DLGAP1: variants seen among roughly 807,000 people sequenced by gnomAD.
DLGAP1 encodes disks large-associated protein 1.
Under a neutral mutation model 90.8 loss-of-function variants are expected in DLGAP1, and 11 were observed. That is an observed-to-expected ratio of 0.12 (90% CI 0.08 to 0.20). The LOEUF is 0.20. Ranked by LOEUF, DLGAP1 falls within the 10% of genes least tolerant of loss-of-function variation. DLGAP1 has a pLI of 1.00. For missense variants in DLGAP1, 1,050 were observed against 1,333.8 expected (o/e 0.79, Z 3.31); for synonymous variants, 558 against 540.7 (o/e 1.03, Z -0.44).
In DLGAP1 at chr18:4,137,632, A is replaced by G. The variant is rs771049436; in HGVS notation, c.-159+13548T>C. On this transcript the variant is annotated intron_variant, in intron 2 of 12. Transcript: ENST00000315677. ...CTGGGTCTTTTGTGATTTCATATAA[A>G]TTTTAGGATTGTTTCTTCTATTTCT... 2.6e-5 allele frequency among the ~76,000 whole-genome samples: 4 copies of G among 152,132 alleles called. No individual in the cohort carries two copies. The South Asian group carries it at 6.2e-4, about 24-fold the overall frequency.
chr18:4,002,063 C>T (rs1022049750), intron 3 of DLGAP1, among the ~76,000 whole-genome samples: 11 of 151,818 alleles, frequency 7.2e-5, no homozygotes, highest in Admixed American at 2.0e-4. Flanking sequence ...TGTGTTTTCC[C>T]GCTGCTTTAT....
intron 2 of DLGAP1, among the ~76,000 whole-genome samples, chr18:4,099,326 T>C (rs1180622088): frequency 6.9e-6 from 1 of 144,544 alleles, no homozygotes; most frequent in Admixed American, 6.8e-5. Flanking sequence ...TATCTATCTA[T>C]CTATCTATCT....
intron 5 of DLGAP1, among the ~76,000 whole-genome samples, chr18:3,765,122 T>C (rs2064161829): frequency 7.4e-6 from 1 of 136,044 alleles, no homozygotes; most frequent in Admixed American, 7.6e-5. Flanking sequence ...GCAAACTTTT[T>C]TTTTTTTCTT....
intron 7 of DLGAP1, among the ~76,000 whole-genome samples, chr18:3,674,569 A>G (rs1033497572): frequency 2.6e-5 from 4 of 151,950 alleles, no homozygotes; most frequent in Non-Finnish European, 4.4e-5. Flanking sequence ...GCAGCTAGCC[A>G]TGATTGTGCC....
intron 5 of DLGAP1, among the ~76,000 whole-genome samples, chr18:3,772,970 TG>T (rs1390344908): frequency 6.6e-6 from 1 of 152,244 alleles, no homozygotes; most frequent in Non-Finnish European, 1.5e-5. Context: ...TTAGTGTTCC[TG>T]TCCATAATTA....
chr18:4,292,065 G>A (rs2079862547), intron 1 of DLGAP1, among the ~76,000 whole-genome samples: 1 of 152,094 alleles, frequency 6.6e-6, no homozygotes, highest in African/African-American at 2.4e-5. Flanking sequence ...GCAATCTACA[G>A]AAATCACTGC....
intron 7 of DLGAP1, among the ~76,000 whole-genome samples, chr18:3,644,521 C>T (rs955842205): frequency 1.3e-5 from 2 of 152,028 alleles, no homozygotes; most frequent in Non-Finnish European, 2.9e-5. Flanking sequence ...AGTGATTCTC[C>T]TGCCTCAGCC....
rs529765332 is a variant in DLGAP1, at chr18:3,627,955, G to A, written c.1592-45707C>T. Among the ~76,000 whole-genome samples, 27 of 133,790 alleles carry A rather than the reference G, an allele frequency of 2.0e-4. No individual in the cohort carries two copies. In the South Asian group the frequency reaches 6.4e-3, roughly 32 times the overall value. 87.8% of individuals were successfully genotyped at this position (133,790 alleles called of 152,430 possible). ...TGCAATGGGGCGATCTCGGCTCACT[G>A]CAACCTCCCACCTCCCCGGTTCCAG... On this transcript the variant is annotated intron_variant, in intron 7 of 12. Transcript: ENST00000315677.
chr18:4,365,261 A>T (rs945655260), intron 1 of DLGAP1, among the ~76,000 whole-genome samples: 1 of 152,164 alleles, frequency 6.6e-6, no homozygotes, highest in Non-Finnish European at 1.5e-5. Flanking sequence ...GAATCTGAAA[A>T]CAGTACCCTA....
intron 3 of DLGAP1, chr18:3,983,028 G>A (rs963831698): frequency 6.6e-6 from 1 of 152,086 alleles, no homozygotes; most frequent in Non-Finnish European, 1.5e-5. Context: ...CAAAAAACTT[G>A]CTTATAGAAA....
chr18:3,548,858 G>A (rs769294359), intron 9 of DLGAP1, among the ~76,000 whole-genome samples: 1 of 152,036 alleles, frequency 6.6e-6, no homozygotes, highest in African/African-American at 2.4e-5. Flanking sequence ...CAAACATGGC[G>A]AAACCCCCTC....
At chr18:4,366,264 G>C (rs1215641978) in intron 1 of DLGAP1, among the ~76,000 whole-genome samples, 1 of 152,048 alleles carries the variant, frequency 6.6e-6, no homozygotes, top group Non-Finnish European at 1.5e-5. Context: ...ATAAATCTAT[G>C]TTAAATCAAA....
chr18:3,842,697 C>T (rs141776085), intron 4 of DLGAP1, among the ~76,000 whole-genome samples: 31 of 150,008 alleles, frequency 2.1e-4, no homozygotes, highest in Middle Eastern at 3.4e-3. Context: ...CATGTTTCAG[C>T]GTTAAAAAAA....
intron 1 of DLGAP1, among the ~76,000 whole-genome samples, chr18:4,310,815 T>A (rs2080380341): frequency 6.6e-6 from 1 of 152,222 alleles, no homozygotes; most frequent in Non-Finnish European, 1.5e-5. Context: ...TCATTCATTC[T>A]TGCTTTGGTG....
chr18:4,426,908 A>C (rs977313578), intron 1 of DLGAP1, among the ~76,000 whole-genome samples: 4 of 150,008 alleles, frequency 2.7e-5, no homozygotes. Flanking sequence ...TATTAGGTTA[A>C]ATAATAAACA....
At chr18:3,528,385 C>T (rs2051784751) in intron 10 of DLGAP1, among the ~76,000 whole-genome samples, 1 of 152,198 alleles carries the variant, frequency 6.6e-6, no homozygotes, top group Non-Finnish European at 1.5e-5. Context: ...ATTGGTGAAA[C>T]AAAGGCCCTC....
intron 1 of DLGAP1, among the ~76,000 whole-genome samples, chr18:4,382,487 C>CT (rs3044414): frequency 1.9e-3 from 272 of 140,828 alleles, no homozygotes; most frequent in African/African-American, 6.6e-3. Flanking sequence ...CAGCATTATG[C>CT]TTTTTTTTTT....
At chr18:4,028,226 G>A (rs2074734675) in intron 2 of DLGAP1, among the ~76,000 whole-genome samples, 2 of 152,116 alleles carry the variant, frequency 1.3e-5, no homozygotes, top group African/African-American at 4.8e-5. Context: ...AAATATATAG[G>A]GAACTGTCTC....
intron 3 of DLGAP1, among the ~76,000 whole-genome samples, chr18:3,881,368 G>C (rs1162968014): frequency 1.3e-5 from 2 of 152,194 alleles, no homozygotes; most frequent in African/African-American, 4.8e-5. Context: ...GAACTGGAGA[G>C]GGGCTCAGTT....
Sources: allele counts gnomAD v4.1 joint callset (sites outside exome capture counted in the v4.1 genomes callset), GRCh38; gene constraint gnomAD v4.1.1; transcripts MANE v1.5; gene names NCBI Gene and HGNC (gene_info 2026-07-23, HGNC 2026-07-21).